Variants in AFF3 observed in about 807,000 individuals in gnomAD.
AFF3 encodes the protein AF4/FMR2 family member 3.
In AFF3, 32 loss-of-function variants were observed where a neutral mutation model predicts 129.7. That is an observed-to-expected ratio of 0.25 (90% CI 0.19 to 0.33). The LOEUF is 0.33. AFF3 is among the 10% of genes least tolerant of loss of function. The pLI is 1.00. For synonymous variants in AFF3, 644 were observed against 635.4 expected, an observed-to-expected ratio of 1.01 and a Z score of -0.20; for missense variants, 1,373 against 1,592.0, an observed-to-expected ratio of 0.86 and a Z score of 2.34.
chr2:99,879,080 T>C (rs952585119), intron 7 of AFF3, among the ~76,000 whole-genome samples: 2 of 152,206 alleles, frequency 1.3e-5, no homozygotes, highest in Admixed American at 6.5e-5. Flanking sequence ...TGATAACTCA[T>C]AGGGTTGAAA....
At chr2:99,874,907 T>A (rs906676772) in intron 7 of AFF3, among the ~76,000 whole-genome samples, 1 of 152,094 alleles carries the variant, frequency 6.6e-6, no homozygotes, top group Non-Finnish European at 1.5e-5. Context: ...AAAAAAACAT[T>A]AGAGTGAGAC....
chr2:99,560,742 C>A (rs1385455773), intron 20 of AFF3, among the ~76,000 whole-genome samples: 1 of 152,180 alleles, frequency 6.6e-6, no homozygotes, highest in Non-Finnish European at 1.5e-5. Flanking sequence ...CTAACATGTC[C>A]ATTTTTCCAC....
chr2:100,033,510 A>G (rs1330415432), intron 4 of AFF3, among the ~76,000 whole-genome samples: 1 of 152,214 alleles, frequency 6.6e-6, no homozygotes, highest in Non-Finnish European at 1.5e-5. Context: ...TAAATTCTGG[A>G]GATAAATTTA....
chr2:99,590,398 G>T (rs1253399034), intron 15 of AFF3, among the ~76,000 whole-genome samples: 1 of 152,186 alleles, frequency 6.6e-6, no homozygotes, highest in African/African-American at 2.4e-5. Context: ...TCAATTTGCA[G>T]CATCACAAAT....
chr2:100,131,506 C>A (rs1045784573), intron 1 of AFF3, among the ~76,000 whole-genome samples: 16 of 152,306 alleles, frequency 1.1e-4, no homozygotes, highest in African/African-American at 3.6e-4. Flanking sequence ...GTTGCCCAGG[C>A]TGGAGTGCAG....
intron 7 of AFF3, among the ~76,000 whole-genome samples, chr2:99,929,536 T>C (rs563546728): frequency 6.6e-6 from 1 of 152,200 alleles, no homozygotes; most frequent in African/African-American, 2.4e-5. Flanking sequence ...TTTTATTTAT[T>C]AATGAATCTA....
chr2:99,785,991 T>C (rs1291563968), intron 8 of AFF3, among the ~76,000 whole-genome samples: 1 of 152,212 alleles, frequency 6.6e-6, no homozygotes, highest in Non-Finnish European at 1.5e-5. Flanking sequence ...TCAAGTGATC[T>C]GCCTGCCTTG....
At chr2:100,124,353 C>T (rs1692099664) in intron 2 of AFF3, among the ~76,000 whole-genome samples, 1 of 152,178 alleles carries the variant, frequency 6.6e-6, no homozygotes, top group Non-Finnish European at 1.5e-5. Flanking sequence ...CTAGGCACAG[C>T]TTTGATGTGT....
intron 7 of AFF3, among the ~76,000 whole-genome samples, chr2:99,972,717 T>C (rs934669197): frequency 1.3e-5 from 2 of 152,180 alleles, no homozygotes; most frequent in Admixed American, 1.3e-4. Context: ...CTAAGTGATA[T>C]GAAGAATCTG....
chr2:100,009,422 G>T (rs1241655251), intron 4 of AFF3, among the ~76,000 whole-genome samples: 6 of 151,986 alleles, frequency 3.9e-5, no homozygotes, highest in African/African-American at 1.5e-4. Context: ...TGCTGCAGTG[G>T]TTTTCACAGT....
chr2:99,713,253 A>T (rs907547096), intron 11 of AFF3, among the ~76,000 whole-genome samples: 5 of 148,662 alleles, frequency 3.4e-5, no homozygotes, highest in Non-Finnish European at 7.4e-5. Flanking sequence ...TGTTATGTGT[A>T]TTCTGCCAGA....
At chr2:99,675,429 C>A (rs1224931282) in intron 11 of AFF3, among the ~76,000 whole-genome samples, 2 of 152,206 alleles carry the variant, frequency 1.3e-5, no homozygotes, top group East Asian at 3.9e-4. Flanking sequence ...CCGACAGGCA[C>A]AGAGGTACAC....
At chr2:99,958,462 G>T (rs1158561338) in intron 7 of AFF3, among the ~76,000 whole-genome samples, 1 of 150,010 alleles carries the variant, frequency 6.7e-6, no homozygotes, top group Non-Finnish European at 1.5e-5. Flanking sequence ...TCCAGCCTGG[G>T]TGACAGAGCA....
chr2:100,040,511 T>C (rs1009268827), intron 4 of AFF3, among the ~76,000 whole-genome samples: 3 of 152,178 alleles, frequency 2.0e-5, no homozygotes, highest in African/African-American at 7.2e-5. Flanking sequence ...TTTCTAATCA[T>C]GAGCAATAAG....
At chr2:99,643,195 G>A (rs923704078) in intron 13 of AFF3, among the ~76,000 whole-genome samples, 2 of 151,760 alleles carry the variant, frequency 1.3e-5, no homozygotes, top group East Asian at 3.9e-4. Flanking sequence ...GAGTAGCTGG[G>A]ATTACAGGTG....
At chr2:99,704,440 C>T (rs1468868284) in intron 11 of AFF3, among the ~76,000 whole-genome samples, 2 of 152,156 alleles carry the variant, frequency 1.3e-5, no homozygotes, top group Non-Finnish European at 2.9e-5. Flanking sequence ...TAACATGTGC[C>T]ACTTCAGCTC....
chr2:99,958,852 C>T (rs1204554988), intron 7 of AFF3, among the ~76,000 whole-genome samples: 3 of 152,002 alleles, frequency 2.0e-5, no homozygotes, highest in Admixed American at 1.3e-4. Context: ...GTGGTTCATA[C>T]CTGTAATCTC....
rs147400934 is a variant in AFF3, at chr2:100,078,280, C to T, written c.53+26122G>A. ...GCTGAAATGCAGAAGATACTGTAAG[C>T]GAATATACAGGTTTGTCAAGGTCTA... On this transcript the variant is annotated intron_variant, in intron 4 of 24. Coordinates refer to ENST00000672756, the MANE Select transcript of AFF3 (RefSeq NM_001386135.1). 7.2e-5 allele frequency among the ~76,000 whole-genome samples: 11 copies of T among 152,222 alleles called. No individual in the cohort carries two copies. In the South Asian group the frequency reaches 1.5e-3, roughly 20 times the overall value.
intron 13 of AFF3, among the ~76,000 whole-genome samples, chr2:99,633,636 C>G: frequency 6.6e-6 from 1 of 152,202 alleles, no homozygotes; most frequent in South Asian, 2.1e-4. Context: ...ATGAAAGGCT[C>G]GGTGCCGTCC....
Sources: allele counts gnomAD v4.1 joint callset (sites outside exome capture counted in the v4.1 genomes callset), GRCh38; gene constraint gnomAD v4.1.1; transcripts MANE v1.5; gene names NCBI Gene and HGNC (gene_info 2026-07-23, HGNC 2026-07-21).